VPS4B: variants seen among roughly 807,000 people sequenced by gnomAD.
VPS4B encodes the protein vacuolar protein sorting-associated protein 4B.
A neutral mutation model predicts 56.1 loss-of-function variants in VPS4B; 23 were observed. The observed-to-expected ratio is 0.41, with a 90% CI of 0.30 to 0.58. The LOEUF is 0.58. VPS4B is among the 20% of genes least tolerant of loss of function. The pLI is 0.29. For missense variants in VPS4B, 372 were observed against 531.9 expected (o/e 0.70, Z 2.96); for synonymous variants, 177 against 186.0 (o/e 0.95, Z 0.39).
intron 3 of VPS4B, among the ~76,000 whole-genome samples, 182 bp downstream of exon 3, chr18:63,410,108 C>A (rs1916001932): frequency 1.3e-5 from 2 of 152,174 alleles, no homozygotes; most frequent in Non-Finnish European, 2.9e-5. Context: ...GAAAGCAGCC[C>A]TAGACAACAA....
At chr18:63,404,603 G>A (rs1414712937) in intron 4 of VPS4B, 1 of 152,140 alleles carries the variant, frequency 6.6e-6, no homozygotes, top group African/African-American at 2.4e-5. Context: ...ATAGCCTACT[G>A]ACAAATTTTC....
chr18:63,397,705 A>T (rs879797929), intron 8 of VPS4B, among the ~76,000 whole-genome samples: 43 of 152,254 alleles, frequency 2.8e-4, no homozygotes, highest in Non-Finnish European at 4.7e-4. Context: ...ATACATCCAG[A>T]ACAATCCTAT....
At chr18:63,405,000 CAGTT>C (rs1212748280) in intron 4 of VPS4B, among the ~76,000 whole-genome samples, 1 of 152,172 alleles carries the variant, frequency 6.6e-6, no homozygotes, top group East Asian at 1.9e-4. Flanking sequence ...GATTTCATGT[CAGTT>C]AAACAAAAAT....
chr18:63,421,631 C>G (rs1280739859), intron 1 of VPS4B, among the ~76,000 whole-genome samples: 1 of 152,202 alleles, frequency 6.6e-6, no homozygotes, highest in African/African-American at 2.4e-5. Context: ...GTGTACAAAA[C>G]ACTGTGCTCA....
Position 63,399,573 on chromosome 18 carries a change from G to A in VPS4B, c.791-250C>T, listed in dbSNP as rs529228193. On this transcript the variant is annotated intron_variant, in intron 7 of 10. Transcript: ENST00000238497. ...ATTGTGGAAAATACTATTAACATTC[G>A]TTTCAAAATATTTCTTGAAAAATTT... 7.2e-5 allele frequency among the ~76,000 whole-genome samples: 11 copies of A among 152,174 alleles called. No individual in the cohort carries two copies. The Middle Eastern group carries it at 0.014, about 188-fold the overall frequency.
chr18:63,407,436 A>T lies in VPS4B; in HGVS notation c.360T>A (p.Leu120=). 2 of 1,607,378 alleles carry T rather than the reference A, an allele frequency of 1.2e-6. No homozygotes were observed. The highest frequency in any genetic ancestry group is 2.2e-5 in the South Asian group (2 of 89,596). ...AAAAATGAAATCTAAAGCAACCTTG[A>T]AGTTGATTCTGTAGTTTCTTTTTTT... The part of the protein sequence containing the change: ...DPEKKKLQNQ[L]QGAIVIERPN... Residue 120 remains leucine, a synonymous_variant, in exon 4 of 11, where the codon CTT becomes CTA. Transcript: ENST00000238497.
chr18:63,390,913 A>G lies in VPS4B; in HGVS notation c.*62T>C. 8.2e-7 allele frequency: 1 copy of G among 1,214,152 alleles called. No individual in the cohort carries two copies. The highest frequency in any genetic ancestry group is 1.2e-6 in the Non-Finnish European group (1 of 835,112). The allele number at this position is 1,214,152 out of a possible 1,614,324, so 75.2% of individuals were successfully genotyped here. A position where few individuals can be genotyped will look rare whatever the true frequency, so the allele number is the denominator to read the frequency against. On this transcript the variant is annotated 3_prime_UTR_variant, in exon 11 of 11. Coordinates refer to ENST00000238497, the MANE Select transcript of VPS4B (RefSeq NM_004869.4). Reference sequence around the variant, plus strand: ...TACTGGAAACAATTAATGCGATCCAAATAGACAAAAATATCTATGAAAGAA... The same window carrying G: ...TACTGGAAACAATTAATGCGATCCAGATAGACAAAAATATCTATGAAAGAA...
At chr18:63,394,792 C>T (rs1175329744) in intron 9 of VPS4B, among the ~76,000 whole-genome samples, 1 of 152,118 alleles carries the variant, frequency 6.6e-6, no homozygotes, top group Non-Finnish European at 1.5e-5. Flanking sequence ...ACATCTGTTT[C>T]ACAATAATCG....
In VPS4B at chr18:63,390,877, TAA is replaced by T; in HGVS notation, c.*96_*97del. 1 of 792,976 alleles carries T rather than the reference TAA, an allele frequency of 1.3e-6. No homozygotes were observed. Among genetic ancestry groups the T allele is most frequent in the South Asian group, 1.7e-5 (1 of 60,072 alleles). The allele number at this position is 792,976 out of a possible 1,614,324, so 49.1% of individuals were successfully genotyped here. On this transcript the variant is annotated 3_prime_UTR_variant, in exon 11 of 11. Transcript: ENST00000238497. Reference sequence around the variant, plus strand: ...AAGTGAGATGTGTATTTCCCTGTGGTAAAAGAGTTTTACTGGAAACAATTAAT... The same window carrying T: ...AAGTGAGATGTGTATTTCCCTGTGGTAAGAGTTTTACTGGAAACAATTAAT...
intron 8 of VPS4B, among the ~76,000 whole-genome samples, chr18:63,397,852 T>A (rs34060927): frequency 0.036 from 5,440 of 152,274 alleles, 102 homozygotes; most frequent in African/African-American, 0.044. Context: ...TCCAGGTAAC[T>A]CTCTGTGACA....
At chr18:63,398,978 C>G (rs1310548358) in intron 8 of VPS4B, among the ~76,000 whole-genome samples, 1 of 152,044 alleles carries the variant, frequency 6.6e-6, no homozygotes, top group Non-Finnish European at 1.5e-5. Flanking sequence ...CAAACTTAAT[C>G]AGAATGAAAG....
At chr18:63,396,195 C>T (rs1157610859) in intron 9 of VPS4B, 3 of 151,882 alleles carry the variant, frequency 2.0e-5, no homozygotes, top group Non-Finnish European at 2.9e-5. Context: ...CAAAATAATA[C>T]ACAAATACTT....
chr18:63,421,037 CAA>C (rs36083080), intron 1 of VPS4B, among the ~76,000 whole-genome samples: 8 of 52,020 alleles, frequency 1.5e-4, no homozygotes, highest in Admixed American at 4.2e-4. Flanking sequence ...GACTCCGTCT[CAA>C]AAAAAAAAAA....
rs146138326 is a variant in VPS4B at position 63,411,573 on chromosome 18, C to T, written c.33G>A (p.Ala11=). Residue 11 remains alanine, a synonymous_variant, in exon 2 of 11, where the codon GCG becomes GCA. Coordinates refer to ENST00000238497, the MANE Select transcript of VPS4B (RefSeq NM_004869.4). MSSTSPNLQK[A]IDLASKAAQE... ...GCGCTGCTTTGCTAGCCAGATCTATCGCTTTCTGTTTGAGGGAGGCAAAAT... is the reference window on the plus strand; with the variant it reads ...GCGCTGCTTTGCTAGCCAGATCTATTGCTTTCTGTTTGAGGGAGGCAAAAT... 3.4e-5 allele frequency: 54 copies of T among 1,567,634 alleles called. 1 individual carries two copies. The highest frequency in any genetic ancestry group is 4.9e-5 in the South Asian group (4 of 82,376).
intron 1 of VPS4B, among the ~76,000 whole-genome samples, chr18:63,414,353 G>C (rs1045623834): frequency 2.2e-4 from 34 of 151,520 alleles, no homozygotes; most frequent in African/African-American, 8.3e-4. Flanking sequence ...CTGGGTGACA[G>C]AGCAAGACTC....
At chr18:63,419,346 G>T (rs534504014) in intron 1 of VPS4B, among the ~76,000 whole-genome samples, 1 of 152,126 alleles carries the variant, frequency 6.6e-6, no homozygotes, top group East Asian at 1.9e-4. Flanking sequence ...GAACCTGGGA[G>T]ATGGAGGTTA....
chr18:63,409,128 C>T (rs1053539471), intron 3 of VPS4B, among the ~76,000 whole-genome samples: 10 of 152,148 alleles, frequency 6.6e-5, no homozygotes, highest in Admixed American at 2.6e-4. Context: ...TCAGTGCTAT[C>T]GATGAAGAAG....
At chr18:63,396,861 A>T (rs1915680491) in intron 9 of VPS4B, 173 bp downstream of exon 9, 1 of 608,932 alleles carries the variant, frequency 1.6e-6, no homozygotes, top group African/African-American at 1.9e-5. Flanking sequence ...GTGGTGGCAC[A>T]CGCCTGTAAT....
intron 4 of VPS4B, among the ~76,000 whole-genome samples, chr18:63,404,123 G>A (rs1015941668): frequency 1.3e-5 from 2 of 152,078 alleles, no homozygotes; most frequent in African/African-American, 4.8e-5. Flanking sequence ...AGGTTGGTGC[G>A]AAAATCAAAT....
Sources: gnomAD v4.1 joint callset for allele counts (sites outside exome capture counted in the v4.1 genomes callset) on GRCh38, gnomAD v4.1.1 for gene constraint, MANE v1.5 for transcripts, NCBI Gene and HGNC (gene_info 2026-07-23, HGNC 2026-07-21) for gene names.